MDGA2: variants seen among roughly 807,000 people sequenced by gnomAD.
MDGA2 encodes the protein MAM domain-containing glycosylphosphatidylinositol anchor protein 2.
Under a neutral mutation model 117.8 loss-of-function variants are expected in MDGA2, and 40 were observed. The observed-to-expected ratio is 0.34, with a 90% confidence interval of 0.26 to 0.44. MDGA2 has a LOEUF of 0.44. Among genes scored for constraint, MDGA2 ranks in the 20% least tolerant of loss-of-function variants. The pLI is 1.00. For synonymous variants in MDGA2, 452 were observed against 439.0 expected, an observed-to-expected ratio of 1.03 and a Z score of -0.37; for missense variants, 1,123 against 1,250.6, an observed-to-expected ratio of 0.90 and a Z score of 1.54.
Position 46,982,631 on chromosome 14 carries a change from C to A in MDGA2, c.1820-24988G>T, listed in dbSNP as rs1194835570. On this transcript the variant is annotated intron_variant, in intron 8 of 16. Transcript: ENST00000399232. ...GGCTGAGACAGGAGAATCACTTGAA[C>A]CTGGGAGGTGGAGGTTGCAATGAGC... Among the ~76,000 whole-genome samples, 3 of 136,868 alleles carry A rather than the reference C, an allele frequency of 2.2e-5. No individual in the cohort carries two copies. The Admixed American group carries it at 2.6e-4, about 12-fold the overall frequency. 89.8% of individuals were successfully genotyped at this position (136,868 alleles called of 152,430 possible).
chr14:47,048,797 G>T (rs1445136104), intron 7 of MDGA2, among the ~76,000 whole-genome samples: 1 of 151,992 alleles, frequency 6.6e-6, no homozygotes, highest in Non-Finnish European at 1.5e-5. Context: ...AATTAAAAAA[G>T]GAGTGTCTTC....
chr14:46,927,805 G>A (rs1030666203), intron 9 of MDGA2, among the ~76,000 whole-genome samples: 2 of 152,044 alleles, frequency 1.3e-5, no homozygotes, highest in East Asian at 1.9e-4. Flanking sequence ...AATATAGCTG[G>A]TGTATTCATC....
At chr14:46,903,938 T>C (rs1883389466) in intron 10 of MDGA2, among the ~76,000 whole-genome samples, 1 of 152,208 alleles carries the variant, frequency 6.6e-6, no homozygotes, top group African/African-American at 2.4e-5. Context: ...TCAAATCCAG[T>C]TCACATTATA....
intron 4 of MDGA2, among the ~76,000 whole-genome samples, chr14:47,135,982 G>T (rs775988150): frequency 5.3e-5 from 8 of 151,998 alleles, no homozygotes; most frequent in Admixed American, 5.3e-4. Context: ...GGCTATGATC[G>T]CAGATTTATA....
chr14:46,883,867 A>G (rs1293738148), intron 10 of MDGA2, among the ~76,000 whole-genome samples: 2 of 152,116 alleles, frequency 1.3e-5, no homozygotes, highest in Non-Finnish European at 2.9e-5. Context: ...ATATATATAT[A>G]TGACAAATAC....
chr14:47,383,777 A>T (rs997278987), intron 1 of MDGA2, among the ~76,000 whole-genome samples: 1 of 152,086 alleles, frequency 6.6e-6, no homozygotes, highest in Non-Finnish European at 1.5e-5. Context: ...CACACGCCTC[A>T]GCCTCCCAAA....
At chr14:46,964,800 T>G (rs890946937) in intron 8 of MDGA2, among the ~76,000 whole-genome samples, 1 of 152,128 alleles carries the variant, frequency 6.6e-6, no homozygotes, top group Non-Finnish European at 1.5e-5. Flanking sequence ...CTAGCAAAGT[T>G]AACGTGTTTG....
intron 3 of MDGA2, among the ~76,000 whole-genome samples, chr14:47,203,015 G>A (rs1885564957): frequency 1.3e-5 from 2 of 151,962 alleles, no homozygotes. Context: ...TCAATTTGAA[G>A]CTAAAGGATT....
intron 1 of MDGA2, among the ~76,000 whole-genome samples, chr14:47,311,631 G>T (rs887069149): frequency 7.9e-5 from 12 of 152,124 alleles, no homozygotes; most frequent in African/African-American, 2.9e-4. Context: ...CTCCACTGGG[G>T]CAATACCCTC....
chr14:46,982,733 A>AT (rs1886723771), intron 8 of MDGA2, among the ~76,000 whole-genome samples: 1 of 148,642 alleles, frequency 6.7e-6, no homozygotes, highest in Non-Finnish European at 1.5e-5. Context: ...AAAAAAAAAA[A>AT]AAATCATGTC....
intron 9 of MDGA2, among the ~76,000 whole-genome samples, chr14:46,949,007 A>T (rs899357800): frequency 6.6e-6 from 1 of 152,036 alleles, no homozygotes; most frequent in African/African-American, 2.4e-5. Context: ...TATATCTGGA[A>T]ATCTTCTCAT....
In MDGA2 at chr14:47,248,603, G is replaced by A. The variant is rs896362933; in HGVS notation, c.421-30408C>T. On this transcript the variant is annotated intron_variant, in intron 2 of 16. Coordinates refer to ENST00000399232, the MANE Select transcript of MDGA2 (RefSeq NM_001113498.3). ...TAAAATAAGTCAAAATTGGCAGATG[G>A]CTGGCATCATGCAAACTATATTGTC... Among the ~76,000 whole-genome samples the A allele has an allele frequency of 3.7e-4, 57 of 152,048 alleles. 1 individual carries two copies. The highest frequency in any genetic ancestry group is 7.2e-4 in the Non-Finnish European group (49 of 67,988).
At chr14:46,883,081 C>T (rs1882527724) in intron 10 of MDGA2, among the ~76,000 whole-genome samples, 1 of 151,892 alleles carries the variant, frequency 6.6e-6, no homozygotes, top group South Asian at 2.1e-4. Context: ...CAAAATCTTG[C>T]AGATATTTTT....
chr14:46,916,999 G>GT (rs34698811), intron 10 of MDGA2, among the ~76,000 whole-genome samples: 69,719 of 149,430 alleles, frequency 0.47, 18,425 homozygotes, highest in African/African-American at 0.72. Flanking sequence ...CTAGAAATAT[G>GT]TTTTTTTTTT....
chr14:47,394,569 T>C (rs1161616267), intron 1 of MDGA2, among the ~76,000 whole-genome samples: 2 of 152,208 alleles, frequency 1.3e-5, no homozygotes, highest in Admixed American at 6.5e-5. Flanking sequence ...TGAATGAATG[T>C]ATCTAAAACA....
intron 8 of MDGA2, among the ~76,000 whole-genome samples, chr14:47,017,731 T>C (rs566967197): frequency 2.6e-5 from 4 of 152,172 alleles, no homozygotes; most frequent in African/African-American, 9.6e-5. Context: ...CTCTAGTGAG[T>C]GAAAAATATA....
rs1010982059 is a variant in MDGA2 at position 47,456,291 on chromosome 14, T to C, written c.281-154741A>G. 2.5e-5 allele frequency among the ~76,000 whole-genome samples: 3 copies of C among 119,674 alleles called. No individual in the cohort carries two copies. The Admixed American group carries it at 3.0e-4, about 12-fold the overall frequency. 78.5% of individuals were successfully genotyped at this position (119,674 alleles called of 152,430 possible). A position where few individuals can be genotyped will look rare whatever the true frequency, so the allele number is the denominator to read the frequency against. ...AGTCAGTGTGAGCAAGAAAATTGTT[T>C]ACCTTTTTTTTTTTTTTTGAGAAGG... On this transcript the variant is annotated intron_variant, in intron 1 of 16. Coordinates refer to ENST00000399232, the MANE Select transcript of MDGA2 (RefSeq NM_001113498.3).
chr14:47,507,566 C>A (rs1446991297), intron 1 of MDGA2, among the ~76,000 whole-genome samples: 1 of 152,126 alleles, frequency 6.6e-6, no homozygotes, highest in Non-Finnish European at 1.5e-5. Flanking sequence ...ACTTTTAGTC[C>A]CTTTCAAGTA....
chr14:47,512,702 G>C (rs1323699106), intron 1 of MDGA2, among the ~76,000 whole-genome samples: 4 of 152,086 alleles, frequency 2.6e-5, no homozygotes, highest in Admixed American at 2.0e-4. Flanking sequence ...ATTGATGTCA[G>C]TCTCTTATAA....
Sources: allele counts gnomAD v4.1 joint callset (sites outside exome capture counted in the v4.1 genomes callset), GRCh38; gene constraint gnomAD v4.1.1; transcripts MANE v1.5; gene names NCBI Gene and HGNC (gene_info 2026-07-23, HGNC 2026-07-21).